CUX1: variants seen among roughly 807,000 people sequenced by gnomAD.
CUX1 encodes cut like homeobox 1.
In CUX1, 31 loss-of-function variants were observed where a neutral mutation model predicts 158.8. The observed-to-expected ratio is 0.20, with a 90% CI of 0.15 to 0.26. The LOEUF is 0.26. Ranked by LOEUF, CUX1 falls within the 10% of genes least tolerant of loss-of-function variation. CUX1 has a pLI of 1.00. For synonymous variants in CUX1, 879 were observed against 862.1 expected (o/e 1.02, Z -0.34); for missense variants, 1,589 against 2,014.6 (o/e 0.79, Z 4.04).
At chr7:102,265,193 T>G (rs1790712139) in intron 14 of CUX1, among the ~76,000 whole-genome samples, 1 of 151,864 alleles carries the variant, frequency 6.6e-6, no homozygotes, top group Non-Finnish European at 1.5e-5. Flanking sequence ...CTGTCTCTAC[T>G]AAAAATACAA....
chr7:101,920,637 A>T (rs1804807345), intron 2 of CUX1, among the ~76,000 whole-genome samples: 1 of 152,204 alleles, frequency 6.6e-6, no homozygotes, highest in Admixed American at 6.5e-5. Flanking sequence ...CCATCATATG[A>T]TATTGTGTCT....
chr7:101,833,078 G>T (rs548795253), intron 1 of CUX1, among the ~76,000 whole-genome samples: 1 of 152,002 alleles, frequency 6.6e-6, no homozygotes, highest in East Asian at 1.9e-4. Context: ...AGGAGGGTGC[G>T]TTCGACTGAA....
intron 2 of CUX1, among the ~76,000 whole-genome samples, chr7:101,947,443 G>T (rs192467727): frequency 3.2e-4 from 49 of 152,240 alleles, no homozygotes; most frequent in African/African-American, 1.2e-3. Context: ...CCGAGCCCGA[G>T]CTTAAATATT....
chr7:101,867,678 G>A (rs1268618391), intron 1 of CUX1, among the ~76,000 whole-genome samples: 1 of 152,252 alleles, frequency 6.6e-6, no homozygotes, highest in Non-Finnish European at 1.5e-5. Context: ...CTCCCGGTAA[G>A]CAACCTGATG....
intron 1 of CUX1, among the ~76,000 whole-genome samples, chr7:101,818,362 CTT>C (rs34448245): frequency 0.078 from 11,931 of 152,132 alleles, 1,032 homozygotes; most frequent in East Asian, 0.48. Context: ...ATTTTTCTCT[CTT>C]GTCTTCCTAA....
In CUX1 at chr7:102,254,342, C is replaced by T. The variant is rs1789649094; in HGVS notation, c.*5300C>T. 2 of 985,332 alleles carry T rather than the reference C, an allele frequency of 2.0e-6. No individual in the cohort carries two copies. Among genetic ancestry groups the T allele is most frequent in the Admixed American group, 6.2e-5 (1 of 16,254 alleles). The allele number at this position is 985,332 out of a possible 1,614,324, so 61.0% of individuals were successfully genotyped here. ...GGGGAACACTGTAGCTCTTGGGTGT[C>T]TCTTGTCTCTGGCATGGTTTTAGCG... On this transcript the variant is annotated 3_prime_UTR_variant, in exon 24 of 24. Transcript: ENST00000292535.
chr7:101,973,254 GCACCTGTGA>G (rs1563078008), intron 2 of CUX1, among the ~76,000 whole-genome samples: 1 of 152,010 alleles, frequency 6.6e-6, no homozygotes, highest in Non-Finnish European at 1.5e-5. Flanking sequence ...TCCTTGCTCA[GCACCTGTGA>G]CCCACTGGGT....
At chr7:101,975,712 T>C (rs1253678186) in intron 2 of CUX1, among the ~76,000 whole-genome samples, 3 of 152,248 alleles carry the variant, frequency 2.0e-5, no homozygotes, top group Non-Finnish European at 4.4e-5. Context: ...TCAAAACTCG[T>C]CCATCAACAG....
At chr7:102,085,858 T>C (rs565365530) in intron 4 of CUX1, among the ~76,000 whole-genome samples, 61 of 152,328 alleles carry the variant, frequency 4.0e-4, no homozygotes, top group Non-Finnish European at 5.9e-4. Flanking sequence ...AGTTATTTTT[T>C]CGTAAAATTC....
chr7:102,272,001 G>A (rs782717414), intron 14 of CUX1, among the ~76,000 whole-genome samples: 2 of 152,198 alleles, frequency 1.3e-5, no homozygotes, highest in Non-Finnish European at 2.9e-5. Context: ...CAGCCTGGGT[G>A]ACTGAGTGAG....
intron 11 of CUX1, among the ~76,000 whole-genome samples, chr7:102,183,850 A>G (rs549010401): frequency 6.6e-6 from 1 of 152,358 alleles, no homozygotes; most frequent in African/African-American, 2.4e-5. Context: ...GCAACCTGGA[A>G]GACATGACCT....
At chr7:101,828,448 G>A (rs1256538956) in intron 1 of CUX1, among the ~76,000 whole-genome samples, 1 of 152,164 alleles carries the variant, frequency 6.6e-6, no homozygotes, top group East Asian at 1.9e-4. Flanking sequence ...TTTGACAGAG[G>A]TCTGTTTGAC....
At position 102,222,811 on chromosome 7, in the gene CUX1, C is replaced by CTTTTTTTTTTTTTTTTTTTTTTTTTT; in HGVS notation, c.3131-4555_3131-4530dup. On this transcript the variant is annotated intron_variant, in intron 20 of 23. Transcript: ENST00000292535. ...GGCTGTGTGTCTCGGGGCACCGTAT[C>CTTTTTTTTTTTTTTTTTTTTTTTTTT]TTTTTTTTTTTTTTTTTTTTTTTTT... Among the ~76,000 whole-genome samples the CTTTTTTTTTTTTTTTTTTTTTTTTTT allele has an allele frequency of 2.7e-4, 7 of 25,526 alleles. 3 individuals are homozygous for CTTTTTTTTTTTTTTTTTTTTTTTTTT. Among genetic ancestry groups the CTTTTTTTTTTTTTTTTTTTTTTTTTT allele is most frequent in the African/African-American group, 1.0e-3 (6 of 5,802 alleles). The allele number at this position is 25,526 out of a possible 152,430, so 16.7% of individuals were successfully genotyped here.
chr7:101,954,902 T>C (rs951839705), intron 2 of CUX1, among the ~76,000 whole-genome samples: 1 of 152,024 alleles, frequency 6.6e-6, no homozygotes, highest in African/African-American at 2.4e-5. Flanking sequence ...CCAGGCATGG[T>C]GGCTCATGTG....
In CUX1 at chr7:102,255,667, AC is replaced by A; in HGVS notation, c.*6626del. The A allele has an allele frequency of 1.0e-6, 1 of 985,418 alleles. No individual in the cohort carries two copies. Among genetic ancestry groups the A allele is most frequent in the East Asian group, 1.1e-4 (1 of 8,822 alleles). 61.0% of individuals were successfully genotyped at this position (985,418 alleles called of 1,614,324 possible). A position where few individuals can be genotyped will look rare whatever the true frequency, so the allele number is the denominator to read the frequency against. On this transcript the variant is annotated 3_prime_UTR_variant, in exon 24 of 24. Transcript: ENST00000292535. Reference sequence around the variant, plus strand: ...AAAAGGTGCCTTATATCCCAATGTCACGGCTACATCCCTATGGAAATTAATC... The same window carrying A: ...AAAAGGTGCCTTATATCCCAATGTCAGGCTACATCCCTATGGAAATTAATC...
At chr7:102,268,705 C>T (rs1256164108) in intron 14 of CUX1, among the ~76,000 whole-genome samples, 2 of 151,948 alleles carry the variant, frequency 1.3e-5, no homozygotes, top group African/African-American at 2.4e-5. Flanking sequence ...GCGCTGGTGT[C>T]GGTTTGGCTT....
intron 6 of CUX1, among the ~76,000 whole-genome samples, chr7:102,106,079 CTTTTTTTTTTTTT>C (rs782580660): frequency 2.8e-5 from 2 of 72,270 alleles, no homozygotes; most frequent in African/African-American, 1.2e-4. Flanking sequence ...TTTCTTTTTT[CTTTTTTTTTTTTT>C]TTTTTTTTTT....
chr7:102,116,945 G>A (rs1201270555), intron 8 of CUX1, among the ~76,000 whole-genome samples: 2 of 152,070 alleles, frequency 1.3e-5, no homozygotes, highest in African/African-American at 2.4e-5. Flanking sequence ...TCTGTGCCTC[G>A]CCCTGTGCAA....
chr7:101,836,419 A>G (rs1794636544), intron 1 of CUX1, among the ~76,000 whole-genome samples: 1 of 152,098 alleles, frequency 6.6e-6, no homozygotes, highest in Non-Finnish European at 1.5e-5. Context: ...TACAAAAAAA[A>G]TGGCTGTTGT....
Sources: allele counts gnomAD v4.1 joint callset (sites outside exome capture counted in the v4.1 genomes callset), GRCh38; gene constraint gnomAD v4.1.1; transcripts MANE v1.5; gene names NCBI Gene and HGNC (gene_info 2026-07-23, HGNC 2026-07-21).